ZCCHC4: variants seen among roughly 807,000 people sequenced by gnomAD.
ZCCHC4 encodes the protein rRNA N(6)-adenosine-methyltransferase ZCCHC4.
ZCCHC4 carries 54 observed loss-of-function variants against 67.7 expected under a neutral mutation model. The ratio of observed to expected loss-of-function variants is 0.80; its 90% CI spans 0.64 to 1.00. ZCCHC4 has a LOEUF of 1.00. Ranked by LOEUF, ZCCHC4 falls within the 50% of genes least tolerant of loss-of-function variation. ZCCHC4 has a pLI of 0.00. For missense variants in ZCCHC4, 609 were observed against 617.0 expected (o/e 0.99, Z 0.14); for synonymous variants, 198 against 213.5 (o/e 0.93, Z 0.63).
At chr4:25,336,459 T>C (rs886378124) in intron 5 of ZCCHC4, among the ~76,000 whole-genome samples, 1 of 152,126 alleles carries the variant, frequency 6.6e-6, no homozygotes, top group African/African-American at 2.4e-5. Flanking sequence ...AACTTTTGGG[T>C]TCTTATAATG....
At chr4:25,344,484 G>C (rs1278211694) in intron 5 of ZCCHC4, among the ~76,000 whole-genome samples, 1 of 112,550 alleles carries the variant, frequency 8.9e-6, no homozygotes. Flanking sequence ...AGGGGGGAGG[G>C]ATAGCATTAG....
At chr4:25,340,114 C>T (rs551989914) in intron 5 of ZCCHC4, among the ~76,000 whole-genome samples, 14 of 152,162 alleles carry the variant, frequency 9.2e-5, no homozygotes, top group South Asian at 4.2e-4. Flanking sequence ...GTGATCCACC[C>T]GCCTCGGCCT....
intron 8 of ZCCHC4, among the ~76,000 whole-genome samples, chr4:25,361,286 A>G (rs1435459690): frequency 5.9e-5 from 9 of 152,158 alleles, no homozygotes; most frequent in Non-Finnish European, 8.8e-5. Context: ...GTTGTGTGTT[A>G]TGAATTCAGG....
intron 12 of ZCCHC4, chr4:25,365,450 G>C (rs1023380068): frequency 8.7e-7 from 1 of 1,143,050 alleles, no homozygotes; most frequent in Non-Finnish European, 1.1e-6. Flanking sequence ...CATGTGTAAA[G>C]TTATAGGGGG....
intron 5 of ZCCHC4, among the ~76,000 whole-genome samples, chr4:25,344,635 A>T (rs1013925334): frequency 6.6e-6 from 1 of 151,208 alleles, no homozygotes; most frequent in Admixed American, 6.6e-5. Flanking sequence ...AAATAAATAA[A>T]ATAAAATAAA....
intron 7 of ZCCHC4, among the ~76,000 whole-genome samples, chr4:25,350,981 A>G (rs889906031): frequency 1.3e-5 from 2 of 152,184 alleles, no homozygotes; most frequent in African/African-American, 4.8e-5. Context: ...TGTAAGCACT[A>G]TGATTAGGCT....
intron 5 of ZCCHC4, among the ~76,000 whole-genome samples, chr4:25,341,462 T>C (rs929483628): frequency 6.6e-6 from 1 of 152,214 alleles, no homozygotes; most frequent in Non-Finnish European, 1.5e-5. Flanking sequence ...CCTCTCTTTC[T>C]TGCTCCTTCT....
rs181163961 is a variant in ZCCHC4, at chr4:25,329,333, C to T, written c.330-3850C>T. The stretch of plus-strand genomic sequence containing the variant: ...TTATTATACTTTCAAAATCCACCCT[C>T]CCCTTTATTTTGAGGGCTTCATTTC... On this transcript the variant is annotated intron_variant, in intron 3 of 12. Transcript: ENST00000302874. Among the ~76,000 whole-genome samples, 700 of 152,200 alleles carry T rather than the reference C, an allele frequency of 4.6e-3. 2 individuals are homozygous for T. The highest frequency in any genetic ancestry group is 0.01 in the Middle Eastern group (3 of 292).
At chr4:25,362,006 T>C (rs372112629) in intron 9 of ZCCHC4, 26 bp downstream of exon 9, 30 of 1,595,454 alleles carry the variant, frequency 1.9e-5, no homozygotes, top group Non-Finnish European at 2.5e-5. Context: ...AACTTTGAAG[T>C]ACACAAGTCA....
chr4:25,367,803 T>C (rs1314373262), intron 12 of ZCCHC4, among the ~76,000 whole-genome samples: 3 of 152,200 alleles, frequency 2.0e-5, no homozygotes, highest in Non-Finnish European at 4.4e-5. Context: ...GAACTAATAA[T>C]AGCTAATACT....
At position 25,315,228 on chromosome 4, in the gene ZCCHC4, C is replaced by G. The variant is rs147787096; in HGVS notation, c.247-90C>G. ...AATGCCTGTTGAGTTGGTTGAATTT[C>G]TGACTTCTTGATGTCAGAATGTGAT... is the stretch of plus-strand genomic sequence containing the variant. On this transcript the variant is annotated intron_variant, in intron 2 of 12. Transcript: ENST00000302874. 20 of 1,167,708 alleles carry G rather than the reference C, an allele frequency of 1.7e-5. No homozygotes were observed. The African/African-American group carries it at 2.7e-4, about 16-fold the overall frequency. The allele number at this position is 1,167,708 out of a possible 1,614,324, so 72.3% of individuals were successfully genotyped here.
At chr4:25,321,619 C>T (rs551206151) in intron 3 of ZCCHC4, among the ~76,000 whole-genome samples, 11 of 152,034 alleles carry the variant, frequency 7.2e-5, no homozygotes, top group Non-Finnish European at 1.2e-4. Context: ...GTGATCTACC[C>T]GCCTCAGCCT....
At chr4:25,354,679 A>G (rs1003028520) in intron 8 of ZCCHC4, among the ~76,000 whole-genome samples, 1 of 151,678 alleles carries the variant, frequency 6.6e-6, no homozygotes, top group African/African-American at 2.4e-5. Context: ...TTTTTTTTAA[A>G]TAGTGATGGG....
At chr4:25,322,848 A>T (rs1022536379) in intron 3 of ZCCHC4, among the ~76,000 whole-genome samples, 4 of 152,120 alleles carry the variant, frequency 2.6e-5, no homozygotes, top group African/African-American at 7.2e-5. Context: ...GGTGAATTTT[A>T]TGGTACCTGA....
intron 3 of ZCCHC4, among the ~76,000 whole-genome samples, chr4:25,323,552 G>A (rs1379059553): frequency 6.6e-6 from 1 of 152,182 alleles, no homozygotes. Context: ...TAGGGTGACT[G>A]TAGAATTTAA....
intron 7 of ZCCHC4, among the ~76,000 whole-genome samples, chr4:25,350,696 G>A (rs1720262727): frequency 6.6e-6 from 1 of 152,182 alleles, no homozygotes; most frequent in Admixed American, 6.5e-5. Flanking sequence ...AGTGCTTTGA[G>A]GGACAATGCA....
At chr4:25,364,985 C>T (rs1720885991) in intron 11 of ZCCHC4, 37 bp from the exon 12 acceptor site, 1 of 1,610,574 alleles carries the variant, frequency 6.2e-7, no homozygotes, top group Non-Finnish European at 8.5e-7. Context: ...AATTACGTTA[C>T]ATGAACTTCC....
intron 3 of ZCCHC4, among the ~76,000 whole-genome samples, chr4:25,321,553 A>G (rs1158327172): frequency 6.6e-6 from 1 of 151,226 alleles, no homozygotes; most frequent in Non-Finnish European, 1.5e-5. Context: ...TTGTATTTTT[A>G]GTAGAGACAG....
chr4:25,364,438 T>G lies in ZCCHC4; in HGVS notation c.1210-16T>G, dbSNP rs761012544. On this transcript the variant is annotated splice_polypyrimidine_tract_variant and intron_variant, in intron 10 of 12. Transcript: ENST00000302874. ...CAAATTAATTATAATTTAAAAATTG[T>G]TTTTTTTTTTGGTAGGATGGCAGGA... 1.2e-4 allele frequency: 115 copies of G among 969,156 alleles called. No homozygotes were observed. Among genetic ancestry groups the G allele is most frequent in the Non-Finnish European group, 1.4e-4 (103 of 717,108 alleles). The allele number at this position is 969,156 out of a possible 1,614,324, so 60.0% of individuals were successfully genotyped here. A position where few individuals can be genotyped will look rare whatever the true frequency, so the allele number is the denominator to read the frequency against.
Sources: allele counts gnomAD v4.1 joint callset (sites outside exome capture counted in the v4.1 genomes callset), GRCh38; gene constraint gnomAD v4.1.1; transcripts MANE v1.5; gene names NCBI Gene and HGNC (gene_info 2026-07-23, HGNC 2026-07-21).